SLC26A2: variants seen among roughly 807,000 people sequenced by gnomAD.
The protein encoded by SLC26A2 is sulfate transporter.
SLC26A2 carries 36 observed loss-of-function variants against 41.1 expected under a neutral mutation model. That is an observed-to-expected ratio of 0.88 (90% CI 0.67 to 1.16). SLC26A2 has a LOEUF of 1.16. Ranked by LOEUF, SLC26A2 falls within the 50% of genes most tolerant of loss-of-function variation. The pLI, the probability that SLC26A2 is intolerant of heterozygous loss-of-function variation, is 0.00. For missense variants in SLC26A2, 796 were observed against 869.6 expected (o/e 0.92, Z 1.07); for synonymous variants, 291 against 311.6 (o/e 0.93, Z 0.70).
intron 1 of SLC26A2, 123 bp from the exon 2 acceptor site, chr5:149,977,505 A>C: frequency 4.4e-6 from 3 of 687,000 alleles, no homozygotes; most frequent in Non-Finnish European, 7.8e-6. Flanking sequence ...GAAAAGGGAC[A>C]TAAGATACCT....
At chr5:149,967,397 C>G (rs245050) in intron 1 of SLC26A2, among the ~76,000 whole-genome samples, 32,194 of 152,146 alleles carry the variant, frequency 0.21, 4,119 homozygotes, top group South Asian at 0.39. Context: ...ATCTCTCTCT[C>G]CTACCCCACC....
Position 149,980,278 on chromosome 5 carries a change from T to C in SLC26A2, c.700-15T>C, listed in dbSNP as rs1224222753. On this transcript the variant is annotated splice_polypyrimidine_tract_variant and intron_variant, in intron 2 of 2. Transcript: ENST00000286298. ...TTTCCATTTATATTTAACACTTCTA[T>C]ATCCTTCCTTCCAGGTAGCGATGGG... 1 of 1,605,142 alleles carries C rather than the reference T, an allele frequency of 6.2e-7. No homozygotes were observed. Among genetic ancestry groups the C allele is most frequent in the Admixed American group, 1.7e-5 (1 of 59,998 alleles).
At position 149,980,672 on chromosome 5, in the gene SLC26A2, T is replaced by C; in HGVS notation, c.1079T>C (p.Ile360Thr). The C allele has an allele frequency of 6.2e-7, 1 of 1,614,082 alleles. No individual in the cohort carries two copies. Among genetic ancestry groups the C allele is most frequent in the Non-Finnish European group, 8.5e-7 (1 of 1,179,970 alleles). ...CTACATGAAAATTATAATTCTAGTA[T>C]TGCTGGACATATTCCCACTGGGTTT... ...GKLHENYNSS[I>T]AGHIPTGFMP... The change falls in exon 3 of 3, where the codon ATT becomes ACT. Residue 360 changes from isoleucine to threonine, a missense_variant. Transcript: ENST00000286298.
In SLC26A2 at chr5:149,980,408, T is replaced by G. The variant is rs1389031689; in HGVS notation, c.815T>G (p.Leu272Arg). The G allele has an allele frequency of 6.2e-7, 1 of 1,614,148 alleles. No individual in the cohort carries two copies. The highest frequency in any genetic ancestry group is 8.5e-7 in the Non-Finnish European group (1 of 1,180,012). Residue 272 changes from leucine (L) to arginine (R), a missense_variant, in exon 3 of 3, where the codon CTT (leucine) becomes CGT (arginine). Leu to Arg is a moderately radical substitution (Grantham distance 102). Coordinates refer to ENST00000286298, the MANE Select transcript of SLC26A2 (RefSeq NM_000112.4). ...ATTCTTACATCTCAGGCCAAGTATC[T>G]TCTTGGGCTCAACCTTCCTCGGACT... ...FTILTSQAKY[L>R]LGLNLPRTNG...
At chr5:149,968,485 A>G (rs1754843912) in intron 1 of SLC26A2, among the ~76,000 whole-genome samples, 1 of 151,774 alleles carries the variant, frequency 6.6e-6, no homozygotes, top group Non-Finnish European at 1.5e-5. Context: ...ATCTTGGCTC[A>G]CTGCAAGCTC....
rs1274075904 is a variant in SLC26A2, at chr5:149,986,537, A to G, written c.*4724A>G. On this transcript the variant is annotated 3_prime_UTR_variant, in exon 3 of 3. Transcript: ENST00000286298. ...TTATAAGGTAATTTTTATCCTGATA[A>G]GGACTTAAAAAAAAGTTTTGCAACT... 1 of 152,224 alleles carries G rather than the reference A, an allele frequency of 6.6e-6. No homozygotes were observed. The highest frequency in any genetic ancestry group is 1.5e-5 in the Non-Finnish European group (1 of 68,030). The allele number at this position is 152,224 out of a possible 1,614,324, so 9.4% of individuals were successfully genotyped here.
chr5:149,962,527 T>A (rs1754730472), intron 1 of SLC26A2, among the ~76,000 whole-genome samples: 1 of 152,092 alleles, frequency 6.6e-6, no homozygotes, highest in Admixed American at 6.5e-5. Flanking sequence ...TTTGTAGAGA[T>A]GGTGTTTCAC....
rs1431423838 is a variant in SLC26A2, at chr5:149,981,932, T to A, written c.*119T>A. 3.2e-5 allele frequency: 22 copies of A among 688,544 alleles called. No individual in the cohort carries two copies. Among genetic ancestry groups the A allele is most frequent in the Non-Finnish European group, 5.2e-5 (21 of 405,264 alleles). 42.7% of individuals were successfully genotyped at this position (688,544 alleles called of 1,614,324 possible). ...GAAATTTTAACCAAGTGGCTAGATA[T>A]TATTCCTCCTTTGAAGCTAATGGCA... is the stretch of plus-strand genomic sequence containing the variant. On this transcript the variant is annotated 3_prime_UTR_variant, in exon 3 of 3. Coordinates refer to ENST00000286298, the MANE Select transcript of SLC26A2 (RefSeq NM_000112.4).
chr5:149,972,977 T>G (rs1754930779), intron 1 of SLC26A2, among the ~76,000 whole-genome samples: 1 of 152,166 alleles, frequency 6.6e-6, no homozygotes, highest in Admixed American at 6.5e-5. Flanking sequence ...TGTACATGTT[T>G]AATCAGAGCC....
chr5:149,969,617 C>T (rs1243048931), intron 1 of SLC26A2, among the ~76,000 whole-genome samples: 1 of 152,196 alleles, frequency 6.6e-6, no homozygotes, highest in African/African-American at 2.4e-5. Context: ...ACTGAAATGG[C>T]AAACCTCCTG....
Position 149,980,879 on chromosome 5 carries a change from C to T in SLC26A2, c.1286C>T (p.Ser429Phe), listed in dbSNP as rs1321268187. 6.2e-7 allele frequency: 1 copy of T among 1,614,040 alleles called. No individual in the cohort carries two copies. Among genetic ancestry groups the T allele is most frequent in the Non-Finnish European group, 8.5e-7 (1 of 1,180,002 alleles). Reference protein sequence around the residue: ...YAIGFCNIIPSFFHCFTTSAA... With the variant: ...YAIGFCNIIPFFFHCFTTSAA... ...ATTGGCTTTTGTAATATCATCCCTT[C>T]CTTCTTCCACTGTTTTACTACTAGT... The change falls in exon 3 of 3, where the codon TCC becomes TTC. Residue 429 changes from serine (S) to phenylalanine (F), a missense_variant. Transcript: ENST00000286298.
In SLC26A2 at chr5:149,977,741, A is replaced by G; in HGVS notation, c.89A>G (p.Glu30Gly). 1 of 1,614,040 alleles carries G rather than the reference A, an allele frequency of 6.2e-7. No individual in the cohort carries two copies. Among genetic ancestry groups the G allele is most frequent in the Non-Finnish European group, 8.5e-7 (1 of 1,179,884 alleles). The change falls in exon 2 of 3, where the codon GAA becomes GGA. Residue 30 changes from glutamate (E) to glycine (G), a missense_variant. Glu to Gly is a moderately conservative substitution (Grantham distance 98). Coordinates refer to ENST00000286298, the MANE Select transcript of SLC26A2 (RefSeq NM_000112.4). The part of the protein sequence containing the change: ...NDSYPSGIHL[E>G]LQRESSTDFK... ...AGTTATCCATCTGGGATCCATCTGG[A>G]ACTTCAAAGGGAATCAAGTACTGAC...
chr5:149,971,858 C>T (rs1388211455), intron 1 of SLC26A2, among the ~76,000 whole-genome samples: 2 of 152,150 alleles, frequency 1.3e-5, no homozygotes, highest in Non-Finnish European at 2.9e-5. Context: ...AAGTGACTTT[C>T]TCAAAATCTT....
intron 1 of SLC26A2, chr5:149,961,933 G>A (rs543449229): frequency 6.6e-6 from 1 of 152,342 alleles, no homozygotes; most frequent in South Asian, 2.1e-4. Context: ...AGGCACTGTG[G>A]TAGGTAGTTG....
At position 149,981,936 on chromosome 5, in the gene SLC26A2, T is replaced by G; in HGVS notation, c.*123T>G. 1 of 681,884 alleles carries G rather than the reference T, an allele frequency of 1.5e-6. No homozygotes were observed. Among genetic ancestry groups the G allele is most frequent in the Non-Finnish European group, 2.5e-6 (1 of 400,338 alleles). 42.2% of individuals were successfully genotyped at this position (681,884 alleles called of 1,614,324 possible). ...TTTTAACCAAGTGGCTAGATATTAT[T>G]CCTCCTTTGAAGCTAATGGCATTTG... On this transcript the variant is annotated 3_prime_UTR_variant, in exon 3 of 3. Coordinates refer to ENST00000286298, the MANE Select transcript of SLC26A2 (RefSeq NM_000112.4).
At chr5:149,976,512 T>A (rs245081) in intron 1 of SLC26A2, among the ~76,000 whole-genome samples, 1 of 152,134 alleles carries the variant, frequency 6.6e-6, no homozygotes, top group Non-Finnish European at 1.5e-5. Flanking sequence ...ATGGCCATTC[T>A]AAGCTAAGTA....
Position 149,982,001 on chromosome 5 carries a change from C to G in SLC26A2, c.*188C>G, listed in dbSNP as rs1392891696. The G allele has an allele frequency of 5.1e-6, 3 of 584,902 alleles. No homozygotes were observed. Among genetic ancestry groups the G allele is most frequent in the Non-Finnish European group, 6.0e-6 (2 of 332,612 alleles). 36.2% of individuals were successfully genotyped at this position (584,902 alleles called of 1,614,324 possible). A position where few individuals can be genotyped will look rare whatever the true frequency, so the allele number is the denominator to read the frequency against. On this transcript the variant is annotated 3_prime_UTR_variant, in exon 3 of 3. Transcript: ENST00000286298. ...AGCAGAGCTTGTAGCTGGACAGAGT[C>G]AAAAAGAAGAAAATACGGTTTCAGG...
rs766531442 is a variant in SLC26A2, at chr5:149,977,690, C to T, written c.38C>T (p.Pro13Leu). Residue 13 changes from proline to leucine, a missense_variant, in exon 2 of 3, where the codon CCC (proline) becomes CTC (leucine). Coordinates refer to ENST00000286298, the MANE Select transcript of SLC26A2 (RefSeq NM_000112.4). ...AGTAAAGAGCAACATAACGTTTCACCCAGAGACTCAGCTGAAGGAAATGAC... is the reference window on the plus strand; with the variant it reads ...AGTAAAGAGCAACATAACGTTTCACTCAGAGACTCAGCTGAAGGAAATGAC... ...SESKEQHNVS[P>L]RDSAEGNDSY... 1 of 1,613,956 alleles carries T rather than the reference C, an allele frequency of 6.2e-7. No individual in the cohort carries two copies. Among genetic ancestry groups the T allele is most frequent in the East Asian group, 2.2e-5 (1 of 44,872 alleles).
chr5:149,968,509 C>T (rs1754844265), intron 1 of SLC26A2, among the ~76,000 whole-genome samples: 1 of 151,874 alleles, frequency 6.6e-6, no homozygotes, highest in Non-Finnish European at 1.5e-5. Flanking sequence ...CTCCTGGGTT[C>T]ACGCCATTCT....
Sources: allele counts gnomAD v4.1 joint callset (sites outside exome capture counted in the v4.1 genomes callset), GRCh38; gene constraint gnomAD v4.1.1; transcripts MANE v1.5; gene names NCBI Gene and HGNC (gene_info 2026-07-23, HGNC 2026-07-21).